The following ESRRG variants were observed in gnomAD, a reference collection of about 807,000 sequenced individuals.
The protein encoded by ESRRG is estrogen-related receptor gamma.
ESRRG carries 13 observed loss-of-function variants against 44.0 expected under a neutral mutation model. The ratio of observed to expected loss-of-function variants is 0.30; its 90% confidence interval spans 0.19 to 0.47. The LOEUF (loss-of-function observed/expected upper bound fraction) is 0.47, where lower values mean the gene tolerates loss of function less well. ESRRG is among the 20% of genes least tolerant of loss of function. The pLI is 1.00. For missense variants in ESRRG, 395 were observed against 580.6 expected (o/e 0.68, Z 3.29); for synonymous variants, 215 against 214.6 (o/e 1.00, Z -0.02).
chr1:216,553,556 A>G (rs1340522716), intron 5 of ESRRG, among the ~76,000 whole-genome samples: 1 of 152,166 alleles, frequency 6.6e-6, no homozygotes, highest in Non-Finnish European at 1.5e-5. Flanking sequence ...CCTCATTGGA[A>G]GCAAAGTTAT....
chr1:217,118,764 G>A (rs565406110), intron 1 of ESRRG, among the ~76,000 whole-genome samples: 32 of 152,226 alleles, frequency 2.1e-4, no homozygotes, highest in Middle Eastern at 3.4e-3. Flanking sequence ...GGCCAAGGCC[G>A]GAGGATCACT....
At position 216,564,257 on chromosome 1, in the gene ESRRG, T is replaced by C; in HGVS notation, c.824A>G (p.Glu275Gly). ...LTTLCDLADR[E>G]LVVIIGWAKH... ...CGCCCATCCAATGATAACCACCAAC[T>C]CTCGGTCGGCCAAGTCACACAGTGT... The change falls in exon 5 of 7, where the codon GAG (glutamate) becomes GGG (glycine). Residue 275 changes from glutamate (E) to glycine (G), a missense_variant. By Grantham distance (98) the Glu-to-Gly change is moderately conservative. This residue lies in a region of ESRRG where 167 missense variants were observed against 251.8 expected (regional missense o/e 0.66). Coordinates refer to ENST00000408911, the MANE Select transcript of ESRRG (RefSeq NM_001438.4). The C allele has an allele frequency of 1.3e-6, 2 of 1,586,038 alleles. No homozygotes were observed. The highest frequency in any genetic ancestry group is 1.7e-6 in the Non-Finnish European group (2 of 1,166,834).
At chr1:216,745,433 T>C (rs561040597) in intron 2 of ESRRG, among the ~76,000 whole-genome samples, 1 of 152,158 alleles carries the variant, frequency 6.6e-6, no homozygotes, top group Non-Finnish European at 1.5e-5. Flanking sequence ...TCAAGCGATC[T>C]TCCTGCCTCG....
intron 3 of ESRRG, among the ~76,000 whole-genome samples, chr1:216,575,304 T>C (rs908073081): frequency 1.3e-5 from 2 of 152,150 alleles, no homozygotes; most frequent in Non-Finnish European, 2.9e-5. Flanking sequence ...TCTAACTATA[T>C]TGCCTGTTCT....
chr1:216,787,599 C>CAAAAAAAAAAAAAAAAAAAAAA (rs34433548), intron 2 of ESRRG, among the ~76,000 whole-genome samples: 1 of 76,440 alleles, frequency 1.3e-5, no homozygotes, highest in African/African-American at 4.7e-5. Context: ...AAGACTCCAT[C>CAAAAAAAAAAAAAAAAAAAAAA]AAAAAAAAAA....
At chr1:216,940,843 C>A (rs2065104947) in intron 1 of ESRRG, among the ~76,000 whole-genome samples, 1 of 152,106 alleles carries the variant, frequency 6.6e-6, no homozygotes, top group South Asian at 2.1e-4. Flanking sequence ...CCCCCTACAC[C>A]CAGCAATTGG....
intron 2 of ESRRG, among the ~76,000 whole-genome samples, chr1:216,892,379 T>C (rs1018936285): frequency 6.6e-6 from 1 of 152,258 alleles, no homozygotes; most frequent in Non-Finnish European, 1.5e-5. Flanking sequence ...TTTTGGTCCC[T>C]GGAGCCCTAG....
intron 1 of ESRRG, among the ~76,000 whole-genome samples, chr1:217,137,018 C>A (rs1386478561): frequency 2.0e-5 from 3 of 152,198 alleles, no homozygotes; most frequent in Non-Finnish European, 4.4e-5. Context: ...GTCAGGCCTG[C>A]GAAATGGGAG....
intron 2 of ESRRG, among the ~76,000 whole-genome samples, chr1:216,823,354 T>C (rs2095334573): frequency 6.6e-6 from 1 of 152,180 alleles, no homozygotes; most frequent in Non-Finnish European, 1.5e-5. Flanking sequence ...AGTACTGTTG[T>C]ATATAAGGTT....
chr1:216,635,762 G>A (rs929573324), intron 3 of ESRRG, among the ~76,000 whole-genome samples: 4 of 152,074 alleles, frequency 2.6e-5, no homozygotes, highest in Non-Finnish European at 2.9e-5. Context: ...CATTATCGGG[G>A]ACCTCTGACC....
At chr1:216,991,617 A>G (rs11278876) in intron 1 of ESRRG, among the ~76,000 whole-genome samples, 1,875 of 59,692 alleles carry the variant, frequency 0.031, 137 homozygotes, top group Admixed American at 0.046. Flanking sequence ...GGGATGGGAT[A>G]GGATGGGATG....
chr1:216,841,031 G>T (rs61817891), intron 2 of ESRRG, among the ~76,000 whole-genome samples: 5,092 of 152,196 alleles, frequency 0.033, 98 homozygotes, highest in Middle Eastern at 0.058. Context: ...TGGACAAAGG[G>T]CTGCCACAAA....
At chr1:217,088,050 G>GAA (rs199738951) in intron 1 of ESRRG, among the ~76,000 whole-genome samples, 1 of 143,536 alleles carries the variant, frequency 7.0e-6, no homozygotes, top group Non-Finnish European at 1.5e-5. Context: ...TGCTGGACAG[G>GAA]AAAAAAAAAA....
intron 2 of ESRRG, among the ~76,000 whole-genome samples, chr1:216,841,546 AG>A (rs147714126): frequency 0.034 from 5,102 of 152,228 alleles, 300 homozygotes; most frequent in African/African-American, 0.11. Context: ...AAGGTCTAGG[AG>A]CATTTTGCAG....
intron 5 of ESRRG, among the ~76,000 whole-genome samples, chr1:216,556,038 T>C (rs1035186481): frequency 6.6e-5 from 10 of 152,148 alleles, no homozygotes; most frequent in Non-Finnish European, 1.2e-4. Flanking sequence ...CCAACTTTTC[T>C]TTTAGAGGTG....
intron 1 of ESRRG, among the ~76,000 whole-genome samples, chr1:217,109,833 AGGGGCAAAAT>A (rs2092640993): frequency 6.6e-6 from 1 of 152,216 alleles, no homozygotes; most frequent in African/African-American, 2.4e-5. Context: ...CTAAGAGGCT[AGGGGCAAAAT>A]GGCCACAGTT....
intron 1 of ESRRG, among the ~76,000 whole-genome samples, chr1:216,983,646 A>C (rs2074365837): frequency 6.6e-6 from 1 of 151,306 alleles, no homozygotes; most frequent in Non-Finnish European, 1.5e-5. Flanking sequence ...TAGAATTTTA[A>C]ATTTTACCAA....
chr1:216,859,364 T>C (rs2096009686), intron 2 of ESRRG, among the ~76,000 whole-genome samples: 1 of 152,176 alleles, frequency 6.6e-6, no homozygotes, highest in South Asian at 2.1e-4. Context: ...ACTCCTTCAA[T>C]TCAGGAGACA....
At chr1:216,708,270 A>G (rs926989206) in intron 1 of ESRRG, among the ~76,000 whole-genome samples, 9 of 152,180 alleles carry the variant, frequency 5.9e-5, no homozygotes, top group Non-Finnish European at 7.3e-5. Flanking sequence ...TGTAATTACA[A>G]TTTAAGCCTG....
Sources: gnomAD v4.1 joint callset for allele counts (sites outside exome capture counted in the v4.1 genomes callset) on GRCh38, gnomAD v4.1.1 for gene constraint, gnomAD v4.1.1 regional missense constraint, MANE v1.5 for transcripts, NCBI Gene and HGNC (gene_info 2026-07-23, HGNC 2026-07-21) for gene names.